Variants in ABLIM1 observed in about 807,000 individuals in gnomAD.
ABLIM1 encodes actin binding LIM protein 1.
ABLIM1 carries 40 observed loss-of-function variants against 107.0 expected under a neutral mutation model. That is an observed-to-expected ratio of 0.37 (90% CI 0.29 to 0.49). The LOEUF is 0.49. Among genes scored for constraint, ABLIM1 ranks in the 20% least tolerant of loss-of-function variants. The pLI is 0.97. For missense variants in ABLIM1, 857 were observed against 1,008.5 expected, an observed-to-expected ratio of 0.85 and a Z score of 2.04; for synonymous variants, 357 against 357.3, an observed-to-expected ratio of 1.00 and a Z score of 0.01.
At chr10:114,692,915 A>G (rs2081114016) in intron 1 of ABLIM1, among the ~76,000 whole-genome samples, 1 of 152,210 alleles carries the variant, frequency 6.6e-6, no homozygotes, top group Non-Finnish European at 1.5e-5. Flanking sequence ...AAATGCATTT[A>G]AACCTTGCAA....
intron 4 of ABLIM1, among the ~76,000 whole-genome samples, chr10:114,557,671 GTTTTTTTTTTTT>G (rs61108195): frequency 6.9e-5 from 5 of 72,484 alleles, no homozygotes; most frequent in Non-Finnish European, 9.7e-5. Context: ...ATAGTGAGGT[GTTTTTTTTTTTT>G]TTTTTTTTTT....
At chr10:114,741,517 G>C (rs113538280) in intron 1 of ABLIM1, among the ~76,000 whole-genome samples, 1 of 151,918 alleles carries the variant, frequency 6.6e-6, no homozygotes, top group African/African-American at 2.4e-5. Flanking sequence ...GAGCCACCTC[G>C]CCTGGCCAGC....
intron 1 of ABLIM1, among the ~76,000 whole-genome samples, chr10:114,671,776 C>A (rs1311395638): frequency 6.6e-6 from 1 of 152,162 alleles, no homozygotes; most frequent in Admixed American, 6.5e-5. Context: ...TGCTTATTGA[C>A]CATTCTGGAT....
chr10:114,705,935 A>G (rs1191046046), intron 1 of ABLIM1, among the ~76,000 whole-genome samples: 2 of 152,322 alleles, frequency 1.3e-5, no homozygotes, highest in East Asian at 3.9e-4. Flanking sequence ...AATTCCCAAG[A>G]CAAATAGGCA....
intron 2 of ABLIM1, 76 bp downstream of exon 2, chr10:114,601,751 T>C (rs773629874): frequency 6.2e-7 from 1 of 1,604,672 alleles, no homozygotes; most frequent in Admixed American, 1.7e-5. Flanking sequence ...GGATGTGGAG[T>C]TAAGGGGATG....
At chr10:114,475,293 T>C (rs1205850251) in intron 8 of ABLIM1, among the ~76,000 whole-genome samples, 2 of 152,230 alleles carry the variant, frequency 1.3e-5, no homozygotes, top group Admixed American at 1.3e-4. Flanking sequence ...CTTCCTTCAG[T>C]CTTGGCTTAA....
At chr10:114,583,973 G>A (rs761265813) in intron 2 of ABLIM1, among the ~76,000 whole-genome samples, 2 of 151,974 alleles carry the variant, frequency 1.3e-5, no homozygotes, top group Non-Finnish European at 2.9e-5. Flanking sequence ...GCAAGGGTGG[G>A]GAAGCAGGCA....
chr10:114,781,684 A>AGATCT, the ABLIM1 span, among the ~76,000 whole-genome samples: 12 of 146,078 alleles, frequency 8.2e-5, no homozygotes, highest in African/African-American at 3.0e-4. Context: ...ATATATATAT[A>AGATCT]TATAATTAAT....
chr10:114,604,340 T>C (rs1050470274), intron 1 of ABLIM1, among the ~76,000 whole-genome samples: 1 of 152,244 alleles, frequency 6.6e-6, no homozygotes, highest in Non-Finnish European at 1.5e-5. Flanking sequence ...TTTTTATAAG[T>C]ATTATCATTA....
At chr10:114,517,147 G>A (rs2136264383) in intron 6 of ABLIM1, among the ~76,000 whole-genome samples, 1 of 152,298 alleles carries the variant, frequency 6.6e-6, no homozygotes, top group South Asian at 2.1e-4. Context: ...GGGCTGAGTT[G>A]AACTGTGGTC....
chr10:114,596,286 A>G (rs1458057659), intron 2 of ABLIM1, among the ~76,000 whole-genome samples: 1 of 152,220 alleles, frequency 6.6e-6, no homozygotes, highest in Non-Finnish European at 1.5e-5. Context: ...ACTTGGTCTC[A>G]TAAATGTTGC....
intron 1 of ABLIM1, among the ~76,000 whole-genome samples, chr10:114,738,134 C>T (rs2082219281): frequency 6.6e-6 from 1 of 152,072 alleles, no homozygotes; most frequent in African/African-American, 2.4e-5. Flanking sequence ...CAGCAATGTC[C>T]GCCTCCCAGG....
chr10:114,613,887 A>C, intron 1 of ABLIM1: 1 of 179,450 alleles, frequency 5.6e-6, no homozygotes, highest in Non-Finnish European at 1.1e-5. Context: ...AACACATATA[A>C]TCTGTCACCT....
chr10:114,693,165 G>A (rs976502163), intron 1 of ABLIM1, among the ~76,000 whole-genome samples: 7 of 152,176 alleles, frequency 4.6e-5, no homozygotes, highest in Non-Finnish European at 8.8e-5. Context: ...TGTTGGGATC[G>A]GTGAGGGATG....
chr10:114,627,043 G>C (rs2077857278), intron 1 of ABLIM1, among the ~76,000 whole-genome samples: 1 of 152,186 alleles, frequency 6.6e-6, no homozygotes, highest in African/African-American at 2.4e-5. Context: ...TTCCAGAACA[G>C]TGAGACAATA....
intron 4 of ABLIM1, among the ~76,000 whole-genome samples, chr10:114,561,715 T>C (rs1264874910): frequency 6.6e-6 from 1 of 152,172 alleles, no homozygotes; most frequent in Non-Finnish European, 1.5e-5. Flanking sequence ...CTACTGAAAT[T>C]CCAGTTCTAC....
the ABLIM1 span, among the ~76,000 whole-genome samples, chr10:114,789,917 G>A: frequency 1.3e-5 from 2 of 151,776 alleles, no homozygotes; most frequent in African/African-American, 4.8e-5. Context: ...CTCAGCCTCT[G>A]GAGTAGCTGG....
At position 114,758,817 on chromosome 10, in the gene ABLIM1, T is replaced by C. The variant is rs142345774; in HGVS notation, c.-213+9244A>G. Among the ~76,000 whole-genome samples the C allele has an allele frequency of 3.4e-3, 525 of 152,330 alleles. 2 individuals carry two copies. Among genetic ancestry groups the C allele is most frequent in the African/African-American group, 0.012 (501 of 41,576 alleles). On this transcript the variant is annotated intron_variant, in intron 1 of 15. Coordinates refer to the ABLIM1 transcript ENST00000651092. Reference sequence around the variant, plus strand: ...ATGTGATATTTTCTTTAGGAAAAACTATTTAAAAATTGACCCTAACACAGG... The same window carrying C: ...ATGTGATATTTTCTTTAGGAAAAACCATTTAAAAATTGACCCTAACACAGG...
upstream of ABLIM1, among the ~76,000 whole-genome samples, chr10:114,772,923 C>T (rs573533056): frequency 2.6e-5 from 4 of 152,148 alleles, no homozygotes; most frequent in South Asian, 8.3e-4. Context: ...GAAATAACAA[C>T]TATCAACTAT....
Sources: gnomAD v4.1 joint callset for allele counts (sites outside exome capture counted in the v4.1 genomes callset) on GRCh38, gnomAD v4.1.1 for gene constraint, MANE v1.5 for transcripts, NCBI Gene and HGNC (gene_info 2026-07-23, HGNC 2026-07-21) for gene names.